LRMDA: variants seen among roughly 807,000 people sequenced by gnomAD.
LRMDA encodes the protein leucine-rich melanocyte differentiation-associated protein.
Under a neutral mutation model 29.8 loss-of-function variants are expected in LRMDA, and 18 were observed. The ratio of observed to expected loss-of-function variants is 0.60; its 90% CI spans 0.42 to 0.90. The LOEUF is 0.90. LRMDA is among the 40% of genes least tolerant of loss of function. The pLI is 0.00. For missense variants in LRMDA, 273 were observed against 273.9 expected (o/e 1.00, Z 0.02); for synonymous variants, 125 against 109.4 (o/e 1.14, Z -0.89).
intron 2 of LRMDA, among the ~76,000 whole-genome samples, chr10:75,670,490 G>C (rs561035318): frequency 1.3e-5 from 2 of 152,240 alleles, no homozygotes; most frequent in Middle Eastern, 6.8e-3. Flanking sequence ...AAATTGTGAG[G>C]CATGAAGAAA....
intron 6 of LRMDA, among the ~76,000 whole-genome samples, chr10:76,517,213 C>T (rs1843070995): frequency 6.6e-6 from 1 of 151,994 alleles, no homozygotes; most frequent in Admixed American, 6.6e-5. Flanking sequence ...GAGAATTCTT[C>T]AAAATGATGA....
At chr10:75,687,335 A>G (rs1842095236) in intron 2 of LRMDA, among the ~76,000 whole-genome samples, 1 of 152,370 alleles carries the variant, frequency 6.6e-6, no homozygotes, top group African/African-American at 2.4e-5. Context: ...CAGTGAATAC[A>G]TGTATGATAA....
chr10:76,451,199 G>A (rs981024418), intron 6 of LRMDA, among the ~76,000 whole-genome samples: 9 of 151,396 alleles, frequency 5.9e-5, no homozygotes, highest in African/African-American at 2.2e-4. Context: ...GTGTGTTTCT[G>A]ATTTGCATTT....
chr10:76,490,755 G>A (rs1053392630), intron 6 of LRMDA, among the ~76,000 whole-genome samples: 6 of 151,846 alleles, frequency 4.0e-5, no homozygotes, highest in Non-Finnish European at 8.8e-5. Flanking sequence ...TTTGATTGGA[G>A]AATTCAGTCC....
intron 6 of LRMDA, among the ~76,000 whole-genome samples, chr10:76,374,150 A>G (rs1403937830): frequency 1.3e-5 from 2 of 152,198 alleles, no homozygotes; most frequent in East Asian, 1.9e-4. Flanking sequence ...TTTCACTCCA[A>G]TTGATGAAAC....
chr10:75,821,572 AT>A (rs1844158816), intron 2 of LRMDA, among the ~76,000 whole-genome samples: 1 of 152,148 alleles, frequency 6.6e-6, no homozygotes, highest in Non-Finnish European at 1.5e-5. Flanking sequence ...GATTGAGACC[AT>A]CCTGGCTAAC....
chr10:76,257,805 G>A (rs1852625639), intron 5 of LRMDA, among the ~76,000 whole-genome samples: 1 of 152,150 alleles, frequency 6.6e-6, no homozygotes, highest in African/African-American at 2.4e-5. Flanking sequence ...CCTGTGGGTT[G>A]GCTGGGTGCT....
intron 5 of LRMDA, among the ~76,000 whole-genome samples, chr10:76,220,125 C>G (rs560673830): frequency 0.011 from 1,624 of 152,142 alleles, 12 homozygotes; most frequent in African/African-American, 0.013. Context: ...GCAGTGTGTA[C>G]AGGGAAATTT....
chr10:76,179,393 G>A (rs1851002145), intron 5 of LRMDA, among the ~76,000 whole-genome samples: 1 of 152,000 alleles, frequency 6.6e-6, no homozygotes. Context: ...CCTAGAGAGT[G>A]GAGGTGTTTG....
intron 2 of LRMDA, among the ~76,000 whole-genome samples, chr10:75,556,288 AAAC>A (rs1564799574): frequency 6.6e-6 from 1 of 152,228 alleles, no homozygotes; most frequent in Admixed American, 6.5e-5. Flanking sequence ...GCATCCAGGG[AAAC>A]AACAACTTGA....
At chr10:76,253,117 C>T (rs1215506564) in intron 5 of LRMDA, among the ~76,000 whole-genome samples, 3 of 152,174 alleles carry the variant, frequency 2.0e-5, no homozygotes, top group African/African-American at 7.2e-5. Context: ...GCAAAACTCT[C>T]CCATCCCTTG....
chr10:75,632,322 G>T (rs907720640), intron 2 of LRMDA, among the ~76,000 whole-genome samples: 1 of 152,204 alleles, frequency 6.6e-6, no homozygotes, highest in Non-Finnish European at 1.5e-5. Context: ...CAATCTGGTT[G>T]TTCTCAGCAT....
At chr10:76,273,865 A>G (rs1287140430) in intron 5 of LRMDA, among the ~76,000 whole-genome samples, 2 of 152,202 alleles carry the variant, frequency 1.3e-5, no homozygotes, top group Non-Finnish European at 2.9e-5. Context: ...ATACCAGAGT[A>G]CCTGCCATAT....
At chr10:75,643,612 C>T (rs1841480418) in intron 2 of LRMDA, among the ~76,000 whole-genome samples, 1 of 152,118 alleles carries the variant, frequency 6.6e-6, no homozygotes, top group African/African-American at 2.4e-5. Context: ...ATGTGTGATA[C>T]CCATCTTTGG....
At position 76,271,269 on chromosome 10, in the gene LRMDA, G is replaced by GTGGTGGC. The variant is rs573026215; in HGVS notation, c.517-53131_517-53125dup. 1.0e-3 allele frequency among the ~76,000 whole-genome samples: 152 copies of GTGGTGGC among 152,268 alleles called. 2 individuals are homozygous for GTGGTGGC. The South Asian group carries it at 0.011, about 11-fold the overall frequency. On this transcript the variant is annotated intron_variant, in intron 5 of 6. Transcript: ENST00000611255. ...CAAAAAGTACAAAAATTAGCTGGGT[G>GTGGTGGC]TGGTGGCATGCACCTGTAATCCCAG...
chr10:75,954,136 G>C (rs967172987), intron 2 of LRMDA, among the ~76,000 whole-genome samples: 2 of 152,170 alleles, frequency 1.3e-5, no homozygotes, highest in African/African-American at 4.8e-5. Context: ...CAGCTGCAAG[G>C]AACTGAATTC....
chr10:76,154,351 G>A (rs929702583), intron 5 of LRMDA, among the ~76,000 whole-genome samples: 2 of 152,164 alleles, frequency 1.3e-5, no homozygotes, highest in Admixed American at 1.3e-4. Flanking sequence ...CATAAGGAGT[G>A]AGAAAATGAG....
intron 2 of LRMDA, among the ~76,000 whole-genome samples, chr10:76,032,932 T>C (rs1848175086): frequency 1.3e-5 from 2 of 152,100 alleles, no homozygotes; most frequent in African/African-American, 4.8e-5. Flanking sequence ...CACAAGGTGA[T>C]AGCAGACAAA....
chr10:75,738,775 C>T (rs1462999724), intron 2 of LRMDA, among the ~76,000 whole-genome samples: 1 of 152,140 alleles, frequency 6.6e-6, no homozygotes, highest in Non-Finnish European at 1.5e-5. Flanking sequence ...TTTTTGTCTG[C>T]ATTTTAGCAA....
Sources: allele counts gnomAD v4.1 joint callset (sites outside exome capture counted in the v4.1 genomes callset), GRCh38; gene constraint gnomAD v4.1.1; transcripts MANE v1.5; gene names NCBI Gene and HGNC (gene_info 2026-07-23, HGNC 2026-07-21).